The following UCK2 variants were observed in gnomAD, a reference collection of about 807,000 sequenced individuals.
UCK2 encodes cytidine monophosphokinase 2.
Under a neutral mutation model 30.8 loss-of-function variants are expected in UCK2, and 6 were observed. That is an observed-to-expected ratio of 0.19 (90% CI 0.11 to 0.38). The LOEUF (loss-of-function observed/expected upper bound fraction) is 0.38, where lower values mean the gene tolerates loss of function less well. UCK2 is among the 10% of genes least tolerant of loss of function. UCK2 has a pLI of 1.00. For missense variants in UCK2, 210 were observed against 339.8 expected, an observed-to-expected ratio of 0.62 and a Z score of 3.00; for synonymous variants, 125 against 133.6, an observed-to-expected ratio of 0.94 and a Z score of 0.45.
intron 1 of UCK2, among the ~76,000 whole-genome samples, chr1:165,866,604 C>A (rs543099281): frequency 6.6e-6 from 1 of 152,260 alleles, no homozygotes; most frequent in Non-Finnish European, 1.5e-5. Flanking sequence ...ACAACCGTCA[C>A]CACCATTTAT....
intron 1 of UCK2, among the ~76,000 whole-genome samples, chr1:165,841,521 T>G (rs894489750): frequency 6.6e-6 from 1 of 152,060 alleles, no homozygotes; most frequent in Non-Finnish European, 1.5e-5. Context: ...CAAATTGCAG[T>G]TTTTGAAGCT....
intron 1 of UCK2, among the ~76,000 whole-genome samples, chr1:165,853,346 C>A (rs1026073664): frequency 1.3e-5 from 2 of 151,484 alleles, no homozygotes. Context: ...ACTTGTCAGG[C>A]ATATTTGATA....
At chr1:165,828,371 G>A (rs888686992) in intron 1 of UCK2, among the ~76,000 whole-genome samples, 1 of 152,208 alleles carries the variant, frequency 6.6e-6, no homozygotes, top group Non-Finnish European at 1.5e-5. Flanking sequence ...GGCGCAGCCT[G>A]GTGCCGAGGG....
chr1:165,843,841 G>A (rs1362141505), intron 1 of UCK2, among the ~76,000 whole-genome samples: 1 of 152,146 alleles, frequency 6.6e-6, no homozygotes, highest in Non-Finnish European at 1.5e-5. Flanking sequence ...CTAATGGAGT[G>A]CCTACTGCAA....
rs183808994 is a variant in UCK2, at chr1:165,896,413, C to A, written c.499+81C>A. ...GCTGGGAGCCTGTGACAGGACCCCA[C>A]CCGCCTGAGTCTGAAGCCCATGCCT... On this transcript the variant is annotated intron_variant, in intron 4 of 6. Transcript: ENST00000367879. 76 of 1,532,736 alleles carry A rather than the reference C, an allele frequency of 5.0e-5. No homozygotes were observed. The African/African-American group carries it at 9.0e-4, about 18-fold the overall frequency. The allele number at this position is 1,532,736 out of a possible 1,614,324, so 94.9% of individuals were successfully genotyped here.
At chr1:165,828,588 G>A (rs563612982) in intron 1 of UCK2, among the ~76,000 whole-genome samples, 1 of 152,332 alleles carries the variant, frequency 6.6e-6, no homozygotes, top group South Asian at 2.1e-4. Flanking sequence ...GGTTATAAGA[G>A]GAAACGTGGT....
chr1:165,883,099 C>T (rs1197120003), intron 1 of UCK2, among the ~76,000 whole-genome samples: 4 of 152,142 alleles, frequency 2.6e-5, no homozygotes, highest in African/African-American at 9.7e-5. Context: ...GCTGGGATTA[C>T]GGGTGTGAAG....
At chr1:165,840,416 A>G (rs149197532) in intron 1 of UCK2, among the ~76,000 whole-genome samples, 1 of 152,278 alleles carries the variant, frequency 6.6e-6, no homozygotes, top group East Asian at 1.9e-4. Context: ...CTCTCTTGGC[A>G]ATTTTCAAGT....
At chr1:165,853,343 A>G (rs184427971) in intron 1 of UCK2, among the ~76,000 whole-genome samples, 13 of 152,040 alleles carry the variant, frequency 8.6e-5, no homozygotes, top group Admixed American at 8.5e-4. Context: ...TTCACTTGTC[A>G]GGCATATTTG....
At chr1:165,879,101 A>G (rs1326928821) in intron 1 of UCK2, among the ~76,000 whole-genome samples, 1 of 152,198 alleles carries the variant, frequency 6.6e-6, no homozygotes, top group African/African-American at 2.4e-5. Context: ...TATGTCATCT[A>G]TATGTCTTCT....
chr1:165,838,506 A>G (rs1042984445), intron 1 of UCK2, among the ~76,000 whole-genome samples: 1 of 152,180 alleles, frequency 6.6e-6, no homozygotes, highest in Non-Finnish European at 1.5e-5. Context: ...AATTGTAAAC[A>G]TTAGACACTC....
chr1:165,853,374 AT>A (rs1654646863), intron 1 of UCK2, among the ~76,000 whole-genome samples: 4 of 150,952 alleles, frequency 2.6e-5, no homozygotes, highest in African/African-American at 9.8e-5. Context: ...TTTTGTTTTC[AT>A]TTAAAAAAAA....
At chr1:165,902,559 C>G (rs6660813) in intron 4 of UCK2, 3 of 124,196 alleles carry the variant, frequency 2.4e-5, no homozygotes, top group Non-Finnish European at 5.2e-5. Flanking sequence ...CCACCATTCT[C>G]TAGGCCATGG....
intron 4 of UCK2, among the ~76,000 whole-genome samples, chr1:165,897,163 C>CT: frequency 6.6e-6 from 1 of 151,630 alleles, no homozygotes; most frequent in South Asian, 2.1e-4. Context: ...CGAAGAGACA[C>CT]TACAAAGTAG....
chr1:165,855,347 A>G (rs1188186085), intron 1 of UCK2, among the ~76,000 whole-genome samples: 1 of 152,134 alleles, frequency 6.6e-6, no homozygotes, highest in Admixed American at 6.5e-5. Context: ...GATGTCCCCA[A>G]ATAAGGTGCT....
chr1:165,899,887 G>A (rs990556960), intron 4 of UCK2, among the ~76,000 whole-genome samples: 2 of 152,126 alleles, frequency 1.3e-5, no homozygotes, highest in Non-Finnish European at 1.5e-5. Flanking sequence ...TAGTTCTATC[G>A]GAGGTTCTTG....
chr1:165,833,691 G>A (rs1003808515), intron 1 of UCK2, among the ~76,000 whole-genome samples: 1 of 152,164 alleles, frequency 6.6e-6, no homozygotes, highest in Non-Finnish European at 1.5e-5. Context: ...CACTGCTGAA[G>A]ACCTGACCTT....
intron 1 of UCK2, among the ~76,000 whole-genome samples, chr1:165,888,144 T>A (rs2101880086): frequency 6.6e-6 from 1 of 152,324 alleles, no homozygotes; most frequent in Middle Eastern, 3.4e-3. Flanking sequence ...CACAACTTTA[T>A]AAGAATTGTA....
At chr1:165,832,913 G>A (rs1654088004) in intron 1 of UCK2, among the ~76,000 whole-genome samples, 1 of 152,024 alleles carries the variant, frequency 6.6e-6, no homozygotes, top group Non-Finnish European at 1.5e-5. Context: ...ATCTGTACCT[G>A]TTTTGAACTT....
Sources: allele counts gnomAD v4.1 joint callset (sites outside exome capture counted in the v4.1 genomes callset), GRCh38; gene constraint gnomAD v4.1.1; transcripts MANE v1.5; gene names NCBI Gene and HGNC (gene_info 2026-07-23, HGNC 2026-07-21).